Variants in PCDH15 observed in about 807,000 individuals in gnomAD.
PCDH15 encodes the protein protocadherin related 15.
A neutral mutation model predicts 178.5 loss-of-function variants in PCDH15; 129 were observed. The ratio of observed to expected loss-of-function variants is 0.72; its 90% CI spans 0.63 to 0.84. The LOEUF (loss-of-function observed/expected upper bound fraction) is 0.84, where lower values mean the gene tolerates loss of function less well. Among genes scored for constraint, PCDH15 ranks in the 40% least tolerant of loss-of-function variants. PCDH15 has a pLI of 0.00. For missense variants in PCDH15, 2,230 were observed against 2,099.9 expected (o/e 1.06, Z -1.21); for synonymous variants, 800 against 732.0 (o/e 1.09, Z -1.50).
At chr10:54,927,601 T>C (rs544659592) in intron 2 of PCDH15, among the ~76,000 whole-genome samples, 2 of 152,284 alleles carry the variant, frequency 1.3e-5, no homozygotes, top group Admixed American at 1.3e-4. Context: ...GAACATGCTT[T>C]ATGAATCTTA....
At chr10:53,929,131 G>T (rs144095553) in intron 25 of PCDH15, among the ~76,000 whole-genome samples, 1 of 151,956 alleles carries the variant, frequency 6.6e-6, no homozygotes, top group African/African-American at 2.4e-5. Context: ...CATCAGTTCA[G>T]CAAACCAATT....
chr10:55,285,816 T>G lies in PCDH15; in HGVS notation c.-156+33783A>C, dbSNP rs181049824. Among the ~76,000 whole-genome samples, 364 of 152,026 alleles carry G rather than the reference T, an allele frequency of 2.4e-3. 1 individual carries two copies. Among genetic ancestry groups the G allele is most frequent in the Non-Finnish European group, 4.1e-3 (275 of 67,878 alleles). On this transcript the variant is annotated intron_variant, in intron 1 of 5. Coordinates refer to the PCDH15 transcript ENST00000458638. Reference sequence around the variant, plus strand: ...ATAAGACACAGTCATGACATTAAGATGGTTCTGGAATGGCAAGCTATGACT... The same window carrying G: ...ATAAGACACAGTCATGACATTAAGAGGGTTCTGGAATGGCAAGCTATGACT...
At chr10:53,987,276 C>T (rs1237584146) in intron 21 of PCDH15, among the ~76,000 whole-genome samples, 1 of 151,514 alleles carries the variant, frequency 6.6e-6, no homozygotes, top group Non-Finnish European at 1.5e-5. Context: ...ACTTTTGACC[C>T]AAGACTCTAG....
chr10:55,268,246 A>AT (rs776524483), intron 1 of PCDH15, among the ~76,000 whole-genome samples: 16 of 152,152 alleles, frequency 1.1e-4, no homozygotes, highest in Non-Finnish European at 2.2e-4. Flanking sequence ...ATTTGCTCAA[A>AT]TTCTGCTAGA....
intron 2 of PCDH15, among the ~76,000 whole-genome samples, chr10:55,479,693 T>C (rs1434818206): frequency 6.6e-6 from 1 of 151,508 alleles, no homozygotes; most frequent in African/African-American, 2.4e-5. Flanking sequence ...AATAAGTAAA[T>C]TGGAAAGAAG....
intron 2 of PCDH15, among the ~76,000 whole-genome samples, chr10:55,369,900 C>A (rs1450415398): frequency 6.6e-6 from 1 of 151,064 alleles, no homozygotes; most frequent in African/African-American, 2.4e-5. Flanking sequence ...ATGCTTATTC[C>A]AATGAACTGG....
chr10:54,658,731 A>T (rs2135353257), intron 2 of PCDH15, among the ~76,000 whole-genome samples: 1 of 152,310 alleles, frequency 6.6e-6, no homozygotes, highest in Non-Finnish European at 1.5e-5. Flanking sequence ...CAATTACACA[A>T]TTGAATATAC....
At chr10:55,490,764 T>A (rs1421982097) in intron 2 of PCDH15, among the ~76,000 whole-genome samples, 2 of 151,748 alleles carry the variant, frequency 1.3e-5, no homozygotes, top group Non-Finnish European at 2.9e-5. Context: ...CCACATTTAA[T>A]AGAAAGCATA....
At chr10:54,512,399 G>GTGTGTGTA (rs1403464193) in intron 3 of PCDH15, among the ~76,000 whole-genome samples, 2 of 146,756 alleles carry the variant, frequency 1.4e-5, no homozygotes, top group African/African-American at 5.2e-5. Context: ...GTGTGTGTGT[G>GTGTGTGTA]TGTATTATTG....
chr10:55,582,626 A>ATTTT (rs1413632977), intron 2 of PCDH15, among the ~76,000 whole-genome samples: 11 of 61,230 alleles, frequency 1.8e-4, no homozygotes, highest in African/African-American at 6.4e-4. Context: ...ATATATATAT[A>ATTTT]TATTTTTTTT....
intron 4 of PCDH15, among the ~76,000 whole-genome samples, 182 bp downstream of exon 4, chr10:54,378,600 C>A (rs144093706): frequency 6.6e-6 from 1 of 152,212 alleles, no homozygotes; most frequent in East Asian, 1.9e-4. Flanking sequence ...TAACGGTTCT[C>A]CAGGACACAG....
At chr10:55,318,920 C>T (rs531540312) in intron 1 of PCDH15, among the ~76,000 whole-genome samples, 1 of 152,174 alleles carries the variant, frequency 6.6e-6, no homozygotes, top group African/African-American at 2.4e-5. Flanking sequence ...ATACTTTGCA[C>T]ATAACATAGG....
In PCDH15 at chr10:55,132,171, C is replaced by T. The variant is rs561507476; in HGVS notation, c.-80+34405G>A. 2.6e-5 allele frequency among the ~76,000 whole-genome samples: 4 copies of T among 152,280 alleles called. No individual in the cohort carries two copies. In the East Asian group the frequency reaches 7.7e-4, roughly 29 times the overall value. ...GCCTGTGTCTTCACAACAGCTGTTC[C>T]AGATGGCCCACCACTGCCATCACAA... On this transcript the variant is annotated intron_variant, in intron 2 of 5. Transcript: ENST00000458638.
chr10:55,139,317 A>G (rs1218446860), intron 2 of PCDH15, among the ~76,000 whole-genome samples: 1 of 152,130 alleles, frequency 6.6e-6, no homozygotes, highest in Non-Finnish European at 1.5e-5. Flanking sequence ...TTTTTCATTC[A>G]TAAATTGTGC....
intron 15 of PCDH15, 21 bp downstream of exon 15, chr10:54,132,854 C>CAA: frequency 1.2e-6 from 2 of 1,601,026 alleles, no homozygotes. Context: ...CACACACACA[C>CAA]ACACACACCA....
intron 2 of PCDH15, among the ~76,000 whole-genome samples, chr10:54,916,881 T>A (rs987065658): frequency 5.3e-5 from 8 of 152,120 alleles, no homozygotes; most frequent in African/African-American, 1.9e-4. Flanking sequence ...TTGCAAGTGA[T>A]GAGAATGGTA....
At chr10:55,135,574 C>CTT (rs56956557) in intron 2 of PCDH15, among the ~76,000 whole-genome samples, 1,286 of 68,254 alleles carry the variant, frequency 0.019, 119 homozygotes, top group African/African-American at 0.042. Flanking sequence ...TCTTTTCTTT[C>CTT]TTTTTTTTTT....
At chr10:54,342,542 T>C (rs1942440091) in intron 6 of PCDH15, among the ~76,000 whole-genome samples, 1 of 152,140 alleles carries the variant, frequency 6.6e-6, no homozygotes, top group African/African-American at 2.4e-5. Context: ...GGAAAACATC[T>C]ACTAGCATAA....
Position 54,174,376 on chromosome 10 carries a change from CA to C in PCDH15, c.1590+9067del, listed in dbSNP as rs112450699. On this transcript the variant is annotated intron_variant, in intron 13 of 37. Coordinates refer to ENST00000644397, the MANE Select transcript of PCDH15 (RefSeq NM_001384140.1). ...TGAAACCCCGTCTCTAATAAAAATACAAAAAAAAAATTGCCGGGCATGGTGG... is the reference window on the plus strand; with the variant it reads ...TGAAACCCCGTCTCTAATAAAAATACAAAAAAAAATTGCCGGGCATGGTGG... Among the ~76,000 whole-genome samples, 1,196 of 147,350 alleles carry C rather than the reference CA, an allele frequency of 8.1e-3. 6 individuals are homozygous for C. Among genetic ancestry groups the C allele is most frequent in the Middle Eastern group, 0.014 (4 of 290 alleles).
Sources: gnomAD v4.1 joint callset for allele counts (sites outside exome capture counted in the v4.1 genomes callset) on GRCh38, gnomAD v4.1.1 for gene constraint, MANE v1.5 for transcripts, NCBI Gene and HGNC (gene_info 2026-07-23, HGNC 2026-07-21) for gene names.